Variants in ITGB5 observed in about 807,000 individuals in gnomAD.
ITGB5 encodes integrin subunit beta 5.
Under a neutral mutation model 84.8 loss-of-function variants are expected in ITGB5, and 38 were observed. That is an observed-to-expected ratio of 0.45 (90% confidence interval 0.35 to 0.59). The LOEUF is 0.59. ITGB5 is among the 20% of genes least tolerant of loss of function. The probability of loss-of-function intolerance (pLI) is 0.01; values close to 1 mark genes in which losing one functional copy is unlikely to be tolerated. For synonymous variants in ITGB5, 393 were observed against 414.4 expected, an observed-to-expected ratio of 0.95 and a Z score of 0.63; for missense variants, 905 against 1,034.5, an observed-to-expected ratio of 0.87 and a Z score of 1.72.
intron 1 of ITGB5, among the ~76,000 whole-genome samples, chr3:124,882,250 G>A (rs1934606014): frequency 6.6e-6 from 1 of 152,212 alleles, no homozygotes; most frequent in Admixed American, 6.5e-5. Context: ...CTGGCTGGGG[G>A]AGAATTCTAC....
At position 124,845,268 on chromosome 3, in the gene ITGB5, A is replaced by G. The variant is rs1022980658; in HGVS notation, c.611+3041T>C. ...GCCAACATGGTGAAACCCCATCTCT[A>G]CTAAAAAATACAAAAATTAGCTGGG... is the stretch of plus-strand genomic sequence containing the variant. On this transcript the variant is annotated intron_variant, in intron 4 of 14. Transcript: ENST00000296181. 3.1e-4 allele frequency among the ~76,000 whole-genome samples: 47 copies of G among 152,208 alleles called. 1 individual carries two copies. The highest frequency in any genetic ancestry group is 7.3e-5 in the Non-Finnish European group (5 of 68,036).
chr3:124,794,110 T>C (rs1324991230), intron 10 of ITGB5, among the ~76,000 whole-genome samples: 6 of 152,290 alleles, frequency 3.9e-5, no homozygotes, highest in South Asian at 2.1e-4. Flanking sequence ...CCCATCCCAA[T>C]TGGAAGACCA....
At chr3:124,836,509 T>C (rs965335530) in intron 5 of ITGB5, among the ~76,000 whole-genome samples, 1 of 152,022 alleles carries the variant, frequency 6.6e-6, no homozygotes, top group Non-Finnish European at 1.5e-5. Flanking sequence ...CCTTACTCAA[T>C]AGTGCATTAT....
intron 2 of ITGB5, among the ~76,000 whole-genome samples, chr3:124,871,274 A>G (rs1934031957): frequency 6.6e-6 from 1 of 151,634 alleles, no homozygotes; most frequent in South Asian, 2.1e-4. Flanking sequence ...AGGTCACTGC[A>G]ACCTCCACCT....
chr3:124,808,517 CTT>C (rs1447228909), intron 9 of ITGB5, among the ~76,000 whole-genome samples: 4 of 152,260 alleles, frequency 2.6e-5, no homozygotes, highest in African/African-American at 9.6e-5. Flanking sequence ...TTTGAATAAA[CTT>C]AATCTGGACA....
At chr3:124,802,349 A>G (rs939241121) in intron 9 of ITGB5, among the ~76,000 whole-genome samples, 6 of 152,234 alleles carry the variant, frequency 3.9e-5, no homozygotes, top group Admixed American at 6.5e-5. Context: ...GCCAAAGCCC[A>G]ACTGTCAATG....
intron 5 of ITGB5, among the ~76,000 whole-genome samples, chr3:124,832,042 G>A (rs1264095419): frequency 6.6e-6 from 1 of 152,186 alleles, no homozygotes; most frequent in African/African-American, 2.4e-5. Flanking sequence ...TGGCCTCCCT[G>A]GAAAATCCTG....
chr3:124,859,396 GTT>G lies in ITGB5; in HGVS notation c.205_206del (p.Asn69ProfsTer9), dbSNP rs753182561. Reference protein sequence around the residue: ...SITSRCDLRANLVKNGCGGEI... With the variant: ...SITSRCDLRAXLVKNGCGGEI... ...CACCTCCACAGCCATTTTTGACAAG[GTT>G]TGCCCTCAGATCACACCGAGAGGTG... On this transcript the variant is annotated frameshift_variant, in exon 3 of 15. Coordinates refer to ENST00000296181, the MANE Select transcript of ITGB5 (RefSeq NM_002213.5). LOFTEE classifies it high-confidence loss of function. 2.5e-6 allele frequency: 4 copies of G among 1,614,112 alleles called. No homozygotes were observed. The highest frequency in any genetic ancestry group is 3.4e-6 in the Non-Finnish European group (4 of 1,180,022).
chr3:124,783,791 G>A (rs1240462138), intron 10 of ITGB5, among the ~76,000 whole-genome samples: 3 of 152,170 alleles, frequency 2.0e-5, no homozygotes, highest in Non-Finnish European at 4.4e-5. Context: ...CACTGAAATC[G>A]CAGCCTTGCA....
At chr3:124,807,411 C>G (rs2064422674) in intron 9 of ITGB5, among the ~76,000 whole-genome samples, 1 of 151,160 alleles carries the variant, frequency 6.6e-6, no homozygotes, top group Non-Finnish European at 1.5e-5. Flanking sequence ...GCAAGACTCT[C>G]TCTCCAAATA....
At chr3:124,793,767 TG>T in intron 10 of ITGB5, among the ~76,000 whole-genome samples, 1 of 152,272 alleles carries the variant, frequency 6.6e-6, no homozygotes, top group Admixed American at 6.5e-5. Context: ...ATCACTCTGC[TG>T]AGGAAAGCGT....
intron 9 of ITGB5, among the ~76,000 whole-genome samples, chr3:124,807,412 T>C (rs1391803859): frequency 1.3e-5 from 2 of 152,068 alleles, no homozygotes; most frequent in Non-Finnish European, 2.9e-5. Context: ...CAAGACTCTC[T>C]CTCCAAATAA....
intron 2 of ITGB5, among the ~76,000 whole-genome samples, chr3:124,870,594 C>T (rs1421763074): frequency 6.6e-6 from 1 of 152,000 alleles, no homozygotes; most frequent in Non-Finnish European, 1.5e-5. Flanking sequence ...GGGTGTGGTG[C>T]CACGTGCCTG....
intron 10 of ITGB5, among the ~76,000 whole-genome samples, chr3:124,776,405 T>A (rs56750599): frequency 1.3e-5 from 2 of 152,158 alleles, no homozygotes; most frequent in Non-Finnish European, 2.9e-5. Context: ...AATGGCTCAC[T>A]GTGAGGGGAT....
chr3:124,781,535 C>A (rs1579189452), intron 10 of ITGB5, among the ~76,000 whole-genome samples: 1 of 152,158 alleles, frequency 6.6e-6, no homozygotes, highest in East Asian at 1.9e-4. Context: ...AGGACGTGTT[C>A]CCAACTTCCT....
intron 5 of ITGB5, among the ~76,000 whole-genome samples, chr3:124,824,225 T>C (rs147813879): frequency 7.9e-5 from 12 of 152,312 alleles, no homozygotes; most frequent in African/African-American, 2.9e-4. Flanking sequence ...TGACAAAATA[T>C]ATGCAATGAC....
At chr3:124,830,302 T>C (rs1395732293) in intron 5 of ITGB5, among the ~76,000 whole-genome samples, 1 of 152,118 alleles carries the variant, frequency 6.6e-6, no homozygotes, top group Non-Finnish European at 1.5e-5. Context: ...CCCACCTGAC[T>C]TTCACCCATA....
intron 2 of ITGB5, among the ~76,000 whole-genome samples, chr3:124,864,315 C>T (rs1047049159): frequency 4.0e-5 from 6 of 151,730 alleles, no homozygotes; most frequent in Non-Finnish European, 7.4e-5. Flanking sequence ...ACCGTGTTTG[C>T]TAGAATAGTC....
chr3:124,880,986 G>GTTTT (rs960878015), intron 1 of ITGB5, among the ~76,000 whole-genome samples: 1 of 147,532 alleles, frequency 6.8e-6, no homozygotes, highest in African/African-American at 2.7e-5. Flanking sequence ...GTAAAAGTTT[G>GTTTT]TTTGTTTGTT....
Sources: allele counts gnomAD v4.1 joint callset (sites outside exome capture counted in the v4.1 genomes callset), GRCh38; gene constraint gnomAD v4.1.1; transcripts MANE v1.5; gene names NCBI Gene and HGNC (gene_info 2026-07-23, HGNC 2026-07-21).